The following HSF2BP variants were observed in gnomAD, a reference collection of about 807,000 sequenced individuals.
HSF2BP encodes heat shock transcription factor 2 binding protein.
A neutral mutation model predicts 35.0 loss-of-function variants in HSF2BP; 35 were observed. That is an observed-to-expected ratio of 1.00 (90% CI 0.76 to 1.32). The LOEUF (loss-of-function observed/expected upper bound fraction) is 1.32, where lower values mean the gene tolerates loss of function less well. Among genes scored for constraint, HSF2BP ranks in the 40% most tolerant of loss-of-function variants. The pLI, the probability that HSF2BP is intolerant of heterozygous loss-of-function variation, is 0.00. For missense variants in HSF2BP, 326 were observed against 321.7 expected (o/e 1.01, Z -0.10); for synonymous variants, 114 against 117.4 (o/e 0.97, Z 0.18).
At chr21:43,632,875 G>GTA (rs2082500173) in intron 5 of HSF2BP, among the ~76,000 whole-genome samples, 1 of 87,924 alleles carries the variant, frequency 1.1e-5, no homozygotes, top group African/African-American at 4.0e-5. Context: ...GCATCTATAT[G>GTA]TATGTGTGTG....
intron 8 of HSF2BP, among the ~76,000 whole-genome samples, chr21:43,587,696 G>C (rs1038997475): frequency 1.4e-4 from 21 of 150,130 alleles, no homozygotes; most frequent in Non-Finnish European, 2.8e-4. Flanking sequence ...AGGAAAGCCT[G>C]GGATGATGTC....
intron 5 of HSF2BP, among the ~76,000 whole-genome samples, chr21:43,632,761 T>C (rs559666939): frequency 6.6e-6 from 1 of 152,322 alleles, no homozygotes; most frequent in Non-Finnish European, 1.5e-5. Context: ...ATTTATGTTG[T>C]CAGTAAGGCT....
At chr21:43,656,452 G>C in intron 3 of HSF2BP, 135 bp downstream of exon 3, 2 of 846,342 alleles carry the variant, frequency 2.4e-6, no homozygotes, top group Non-Finnish European at 3.7e-6. Flanking sequence ...CCTTTCTTAG[G>C]TCATCAGACT....
intron 8 of HSF2BP, among the ~76,000 whole-genome samples, chr21:43,571,843 C>A (rs1487647424): frequency 7.3e-6 from 1 of 137,904 alleles, no homozygotes; most frequent in South Asian, 2.7e-4. Flanking sequence ...GGACCCTGAC[C>A]AGAGCCCCTT....
At chr21:43,576,787 C>T (rs2081649766) in intron 8 of HSF2BP, among the ~76,000 whole-genome samples, 1 of 152,130 alleles carries the variant, frequency 6.6e-6, no homozygotes, top group Admixed American at 6.6e-5. Flanking sequence ...TTATTTGAAG[C>T]CAAATTAATG....
chr21:43,589,411 T>C (rs1337387565), intron 8 of HSF2BP, among the ~76,000 whole-genome samples: 3 of 152,164 alleles, frequency 2.0e-5, no homozygotes, highest in East Asian at 3.9e-4. Flanking sequence ...AGTCTCAATA[T>C]TGCTAAAGTG....
intron 6 of HSF2BP, among the ~76,000 whole-genome samples, chr21:43,619,509 C>T (rs557025288): frequency 4.6e-5 from 7 of 152,304 alleles, no homozygotes; most frequent in East Asian, 1.9e-4. Flanking sequence ...ACAGCTCTCA[C>T]GGCAACAGAC....
intron 6 of HSF2BP, among the ~76,000 whole-genome samples, chr21:43,619,807 T>C (rs1208618887): frequency 1.3e-5 from 2 of 152,214 alleles, no homozygotes; most frequent in Non-Finnish European, 2.9e-5. Flanking sequence ...TTCCCAGCCC[T>C]GGAAACGCTG....
In HSF2BP at chr21:43,658,112, C is replaced by T. The variant is rs758467868; in HGVS notation, c.-16G>A. ...CTTCGCCCATGGCCGCTGCCGCCTCCGCTCCGTTCGCCTGAGCGTCGGCGC... is the reference window on the plus strand; with the variant it reads ...CTTCGCCCATGGCCGCTGCCGCCTCTGCTCCGTTCGCCTGAGCGTCGGCGC... On this transcript the variant is annotated 5_prime_UTR_variant, in exon 2 of 9. Coordinates refer to ENST00000291560, the MANE Select transcript of HSF2BP (RefSeq NM_007031.2). The T allele has an allele frequency of 1.3e-6, 2 of 1,528,262 alleles. No individual in the cohort carries two copies. The highest frequency in any genetic ancestry group is 4.9e-5 in the East Asian group (2 of 40,592). The allele number at this position is 1,528,262 out of a possible 1,614,324, so 94.7% of individuals were successfully genotyped here.
intron 7 of HSF2BP, among the ~76,000 whole-genome samples, chr21:43,613,093 G>C (rs548692729): frequency 6.6e-6 from 1 of 152,296 alleles, no homozygotes; most frequent in Non-Finnish European, 1.5e-5. Flanking sequence ...TTGCCTTCTT[G>C]AAGTAAACTT....
intron 3 of HSF2BP, among the ~76,000 whole-genome samples, chr21:43,647,259 A>T (rs2082720863): frequency 1.3e-5 from 2 of 151,680 alleles, no homozygotes; most frequent in South Asian, 4.2e-4. Flanking sequence ...TTTTTCCCCG[A>T]GACGGTGTCT....
At chr21:43,588,588 C>A (rs1034465145) in intron 8 of HSF2BP, among the ~76,000 whole-genome samples, 2 of 152,140 alleles carry the variant, frequency 1.3e-5, no homozygotes, top group African/African-American at 2.4e-5. Context: ...ATCTATGATA[C>A]AGAAACAGTA....
At chr21:43,652,610 G>A (rs527610135) in intron 3 of HSF2BP, among the ~76,000 whole-genome samples, 55 of 152,262 alleles carry the variant, frequency 3.6e-4, no homozygotes, top group African/African-American at 1.3e-3. Flanking sequence ...AGGCTCGTGG[G>A]AAGGCTTGGG....
intron 6 of HSF2BP, among the ~76,000 whole-genome samples, chr21:43,618,569 A>C (rs975282307): frequency 6.6e-6 from 1 of 152,150 alleles, no homozygotes; most frequent in Admixed American, 6.5e-5. Flanking sequence ...TCCACATGCA[A>C]AGGAAGGAAG....
At chr21:43,589,839 A>AAAC (rs375122989) in intron 8 of HSF2BP, among the ~76,000 whole-genome samples, 10 of 152,156 alleles carry the variant, frequency 6.6e-5, no homozygotes, top group African/African-American at 2.2e-4. Context: ...ATAAAAATAA[A>AAAC]AACAACAACA....
chr21:43,601,129 T>G (rs1395923708), intron 7 of HSF2BP, among the ~76,000 whole-genome samples: 1 of 152,202 alleles, frequency 6.6e-6, no homozygotes, highest in Non-Finnish European at 1.5e-5. Context: ...CATCCTGGTA[T>G]CCTATGGAAA....
chr21:43,601,316 T>C (rs2082049053), intron 7 of HSF2BP, among the ~76,000 whole-genome samples: 1 of 152,208 alleles, frequency 6.6e-6, no homozygotes. Flanking sequence ...TGTGATTTTT[T>C]TTTCAATGAG....
rs534697140 is a variant in HSF2BP at position 43,626,507 on chromosome 21, G to C, written c.574+3815C>G. ...TGTAAATAATTAAGACCAAACTGCT[G>C]AAGATAAGACTTCCTCAGATAACCC... On this transcript the variant is annotated intron_variant, in intron 6 of 8. Transcript: ENST00000291560. Among the ~76,000 whole-genome samples the C allele has an allele frequency of 5.9e-5, 9 of 152,320 alleles. No individual in the cohort carries two copies. In the South Asian group the frequency reaches 1.9e-3, roughly 32 times the overall value.
intron 8 of HSF2BP, among the ~76,000 whole-genome samples, chr21:43,581,574 G>A (rs1251726425): frequency 1.3e-5 from 2 of 152,110 alleles, no homozygotes; most frequent in East Asian, 3.9e-4. Context: ...TGACAACACA[G>A]ATAAATTTTC....
Sources: gnomAD v4.1 joint callset for allele counts (sites outside exome capture counted in the v4.1 genomes callset) on GRCh38, gnomAD v4.1.1 for gene constraint, MANE v1.5 for transcripts, NCBI Gene and HGNC (gene_info 2026-07-23, HGNC 2026-07-21) for gene names.